BNC2: variants seen among roughly 807,000 people sequenced by gnomAD.
The protein encoded by BNC2 is zinc finger protein basonuclin-2.
BNC2 carries 20 observed loss-of-function variants against 76.3 expected under a neutral mutation model. The ratio of observed to expected loss-of-function variants is 0.26; its 90% CI spans 0.18 to 0.38. The LOEUF (loss-of-function observed/expected upper bound fraction) is 0.38. BNC2 is among the 10% of genes least tolerant of loss of function. The pLI, the probability that BNC2 is intolerant of heterozygous loss-of-function variation, is 1.00. For missense variants in BNC2, 1,382 were observed against 1,399.8 expected (o/e 0.99, Z 0.20); for synonymous variants, 582 against 514.8 (o/e 1.13, Z -1.77).
At chr9:16,683,139 T>C (rs1341111714) in intron 3 of BNC2, among the ~76,000 whole-genome samples, 1 of 152,172 alleles carries the variant, frequency 6.6e-6, no homozygotes, top group Non-Finnish European at 1.5e-5. Context: ...AGGCACAGAC[T>C]TGAAGGTTGA....
chr9:16,564,467 G>A (rs891644827), intron 4 of BNC2, among the ~76,000 whole-genome samples: 5 of 152,084 alleles, frequency 3.3e-5, no homozygotes, highest in African/African-American at 4.8e-5. Flanking sequence ...CAAAATCAAC[G>A]AGATTCAGAG....
intron 2 of BNC2, among the ~76,000 whole-genome samples, chr9:16,729,267 A>C (rs1824439903): frequency 6.6e-6 from 1 of 152,240 alleles, no homozygotes; most frequent in African/African-American, 2.4e-5. Context: ...AGTAGTCAGC[A>C]GGAAAAAGCC....
At chr9:16,705,393 A>G (rs1823637836) in intron 3 of BNC2, among the ~76,000 whole-genome samples, 1 of 151,998 alleles carries the variant, frequency 6.6e-6, no homozygotes, top group African/African-American at 2.4e-5. Context: ...CAGAGGGGCC[A>G]CCTCTGCTTC....
intron 3 of BNC2, chr9:16,727,462 G>C (rs1824373500): frequency 3.7e-6 from 1 of 271,322 alleles, no homozygotes; most frequent in South Asian, 5.5e-5. Context: ...AGATACATTT[G>C]TTGGGAGGTG....
intron 5 of BNC2, among the ~76,000 whole-genome samples, chr9:16,543,115 G>A (rs566704990): frequency 6.6e-6 from 1 of 152,134 alleles, no homozygotes; most frequent in Non-Finnish European, 1.5e-5. Context: ...GACTCATAAA[G>A]CTCCCGTTGC....
intron 1 of BNC2, among the ~76,000 whole-genome samples, chr9:16,769,636 G>T (rs140096499): frequency 6.6e-6 from 1 of 152,186 alleles, no homozygotes; most frequent in Non-Finnish European, 1.5e-5. Context: ...TCCCAGTGCT[G>T]CCTGCCCCTT....
intron 5 of BNC2, among the ~76,000 whole-genome samples, chr9:16,452,437 A>T (rs995697106): frequency 6.6e-6 from 1 of 152,040 alleles, no homozygotes; most frequent in East Asian, 1.9e-4. Flanking sequence ...TATTATTATT[A>T]TTTTTTAGAC....
intron 1 of BNC2, among the ~76,000 whole-genome samples, chr9:16,869,043 TA>T (rs1819611739): frequency 6.6e-6 from 1 of 152,152 alleles, no homozygotes; most frequent in African/African-American, 2.4e-5. Context: ...GACAAATAGT[TA>T]ACATAGGCTA....
chr9:16,800,476 T>C (rs1180917357), intron 1 of BNC2, among the ~76,000 whole-genome samples: 1 of 151,746 alleles, frequency 6.6e-6, no homozygotes, highest in Non-Finnish European at 1.5e-5. Context: ...TCTTTTCATA[T>C]CAAAAAAAAT....
chr9:16,685,809 T>C (rs1168791605), intron 3 of BNC2, among the ~76,000 whole-genome samples: 1 of 152,180 alleles, frequency 6.6e-6, no homozygotes, highest in African/African-American at 2.4e-5. Context: ...GTAACAAAGT[T>C]TATTAACTAC....
intron 1 of BNC2, among the ~76,000 whole-genome samples, chr9:16,817,048 C>T (rs916034748): frequency 1.3e-5 from 2 of 152,136 alleles, no homozygotes; most frequent in Non-Finnish European, 2.9e-5. Flanking sequence ...TTTAGGAAAA[C>T]CTTCCTGCAT....
At chr9:16,590,168 A>C (rs757534650) in intron 3 of BNC2, among the ~76,000 whole-genome samples, 2 of 152,110 alleles carry the variant, frequency 1.3e-5, no homozygotes, top group Non-Finnish European at 2.9e-5. Flanking sequence ...AAAATGCTCT[A>C]ATGGAGGGAA....
rs1820509690 is a variant in BNC2 at position 16,413,129 on chromosome 9, T to C, written c.*5860A>G. ...GCCCTGGCTTTTTTCTTTCCTCTTT[T>C]GTAATGGTCCACTATTTGTTACAGA... On this transcript the variant is annotated 3_prime_UTR_variant, in exon 7 of 7. Transcript: ENST00000380672. 1 of 152,624 alleles carries C rather than the reference T, an allele frequency of 6.6e-6. No homozygotes were observed. The highest frequency in any genetic ancestry group is 6.5e-5 in the Admixed American group (1 of 15,288). The allele number at this position is 152,624 out of a possible 1,614,324, so 9.5% of individuals were successfully genotyped here. A position where few individuals can be genotyped will look rare whatever the true frequency, so the allele number is the denominator to read the frequency against.
chr9:16,722,847 G>A (rs1171929404), intron 3 of BNC2, among the ~76,000 whole-genome samples: 1 of 152,100 alleles, frequency 6.6e-6, no homozygotes, highest in Non-Finnish European at 1.5e-5. Context: ...TCTCTTATGT[G>A]AAGTCTGCAT....
At chr9:16,525,662 C>T (rs1234562394) in intron 5 of BNC2, among the ~76,000 whole-genome samples, 1 of 152,112 alleles carries the variant, frequency 6.6e-6, no homozygotes, top group Non-Finnish European at 1.5e-5. Flanking sequence ...TACAATGCAG[C>T]TGTTAAAAAA....
intron 3 of BNC2, among the ~76,000 whole-genome samples, chr9:16,635,509 T>C (rs1204176192): frequency 6.6e-6 from 1 of 152,208 alleles, no homozygotes; most frequent in Non-Finnish European, 1.5e-5. Context: ...AAATGTGGTC[T>C]GGTGTTTATG....
At chr9:16,704,190 C>A (rs1406482303) in intron 3 of BNC2, among the ~76,000 whole-genome samples, 1 of 152,114 alleles carries the variant, frequency 6.6e-6, no homozygotes, top group Non-Finnish European at 1.5e-5. Flanking sequence ...TATAAATTAA[C>A]TTGAGTCAGT....
chr9:16,481,801 A>G, intron 5 of BNC2, among the ~76,000 whole-genome samples: 1 of 152,246 alleles, frequency 6.6e-6, no homozygotes, highest in East Asian at 1.9e-4. Flanking sequence ...ATCTACACTG[A>G]GAATGAAATT....
At chr9:16,455,451 G>C (rs1216520068) in intron 5 of BNC2, among the ~76,000 whole-genome samples, 1 of 152,194 alleles carries the variant, frequency 6.6e-6, no homozygotes, top group African/African-American at 2.4e-5. Context: ...GTAGGGGAAA[G>C]CACAGAAATA....
Sources: allele counts gnomAD v4.1 joint callset (sites outside exome capture counted in the v4.1 genomes callset), GRCh38; gene constraint gnomAD v4.1.1; transcripts MANE v1.5; gene names NCBI Gene and HGNC (gene_info 2026-07-23, HGNC 2026-07-21).